Variants in BRINP2 observed in about 807,000 individuals in gnomAD.
BRINP2 encodes BMP/retinoic acid inducible neural specific 2, also known as BMP/retinoic acid-inducible neural-specific protein 2.
Under a neutral mutation model 69.2 loss-of-function variants are expected in BRINP2, and 21 were observed. The observed-to-expected ratio is 0.30, with a 90% CI of 0.22 to 0.44. The LOEUF (loss-of-function observed/expected upper bound fraction) is 0.44, where lower values mean the gene tolerates loss of function less well. Among genes scored for constraint, BRINP2 ranks in the 20% least tolerant of loss-of-function variants. BRINP2 has a pLI of 1.00. For missense variants in BRINP2, 877 were observed against 986.0 expected (o/e 0.89, Z 1.48); for synonymous variants, 380 against 394.1 (o/e 0.96, Z 0.42).
At position 177,281,905 on chromosome 1, in the gene BRINP2, A is replaced by G. The variant is rs1006846444; in HGVS notation, c.*377A>G. 1.2e-5 allele frequency: 2 copies of G among 169,198 alleles called. No homozygotes were observed. Among genetic ancestry groups the G allele is most frequent in the African/African-American group, 4.8e-5 (2 of 42,008 alleles). 10.5% of individuals were successfully genotyped at this position (169,198 alleles called of 1,614,324 possible). On this transcript the variant is annotated 3_prime_UTR_variant, in exon 8 of 8. Coordinates refer to ENST00000361539, the MANE Select transcript of BRINP2 (RefSeq NM_021165.4). ...CTAAAAGTGATTCTTGTCATTCAAGAAAGCAAGAGGGGACAACAATGGGAG... is the reference window on the plus strand; with the variant it reads ...CTAAAAGTGATTCTTGTCATTCAAGGAAGCAAGAGGGGACAACAATGGGAG...
At chr1:177,196,618 CAA>C (rs796466911) in intron 1 of BRINP2, among the ~76,000 whole-genome samples, 5 of 137,248 alleles carry the variant, frequency 3.6e-5, no homozygotes, top group African/African-American at 2.7e-5. Flanking sequence ...AACTCCATCT[CAA>C]AAAAAAAAAA....
At chr1:177,229,629 T>A (rs2102324857) in intron 1 of BRINP2, among the ~76,000 whole-genome samples, 172 bp from the exon 2 acceptor site, 1 of 152,300 alleles carries the variant, frequency 6.6e-6, no homozygotes, top group African/African-American at 2.4e-5. Context: ...CAGGTTGGTT[T>A]TAAGGATTAA....
chr1:177,259,459 A>G (rs1650874526), intron 4 of BRINP2, among the ~76,000 whole-genome samples: 1 of 152,214 alleles, frequency 6.6e-6, no homozygotes, highest in African/African-American at 2.4e-5. Flanking sequence ...AGCGAAGATC[A>G]TTGATGAGGG....
intron 1 of BRINP2, among the ~76,000 whole-genome samples, chr1:177,174,629 A>G (rs1325641713): frequency 1.3e-5 from 2 of 152,214 alleles, no homozygotes. Context: ...TTTGGATAGA[A>G]AGAATGAGGG....
chr1:177,252,129 T>C (rs1650604373), intron 2 of BRINP2, among the ~76,000 whole-genome samples: 1 of 152,142 alleles, frequency 6.6e-6, no homozygotes. Flanking sequence ...TACCCTGCAG[T>C]GGGGTTTGGG....
In BRINP2 at chr1:177,281,374, C is replaced by T. The variant is rs1393068413; in HGVS notation, c.2198C>T (p.Pro733Leu). The T allele has an allele frequency of 1.2e-6, 2 of 1,614,038 alleles. No individual in the cohort carries two copies. The highest frequency in any genetic ancestry group is 1.7e-5 in the Admixed American group (1 of 59,996). The stretch of plus-strand genomic sequence containing the variant: ...GACCGGGTGAACCAGCTTTCTCCAC[C>T]TGGCAAAGTCCGACTTGACCTTTTC... The part of the protein sequence containing the change: ...LRDRVNQLSP[P>L]GKVRLDLFSC... Residue 733 changes from proline to leucine, a missense_variant, in exon 8 of 8, where the codon CCT (proline) becomes CTT (leucine). Coordinates refer to ENST00000361539, the MANE Select transcript of BRINP2 (RefSeq NM_021165.4).
Position 177,280,401 on chromosome 1 carries a change from T to C in BRINP2, c.1236-11T>C. ...TTTGACTCTTACTTCATTTTATCTC[T>C]GCTCCCCAAGGTCCTTGTCCTACTG... On this transcript the variant is annotated splice_polypyrimidine_tract_variant and intron_variant, in intron 7 of 7. Transcript: ENST00000361539. 1.3e-6 allele frequency: 2 copies of C among 1,575,610 alleles called. No individual in the cohort carries two copies. Among genetic ancestry groups the C allele is most frequent in the Non-Finnish European group, 1.7e-6 (2 of 1,160,164 alleles).
chr1:177,240,313 G>C (rs934370969), intron 2 of BRINP2, among the ~76,000 whole-genome samples: 1 of 152,154 alleles, frequency 6.6e-6, no homozygotes, highest in Admixed American at 6.5e-5. Flanking sequence ...AGCATCATAA[G>C]CCAGCCTCTT....
intron 3 of BRINP2, 24 bp downstream of exon 3, chr1:177,256,133 C>G: frequency 6.2e-7 from 1 of 1,608,686 alleles, no homozygotes; most frequent in South Asian, 1.1e-5. Context: ...CAATCCCAAG[C>G]TAATTGGTTG....
At chr1:177,263,873 C>T (rs1558182505) in intron 4 of BRINP2, among the ~76,000 whole-genome samples, 1 of 152,210 alleles carries the variant, frequency 6.6e-6, no homozygotes. Flanking sequence ...TATACACACA[C>T]ATCCTGGTTA....
chr1:177,185,154 G>A (rs1648390802), intron 1 of BRINP2, among the ~76,000 whole-genome samples: 1 of 151,686 alleles, frequency 6.6e-6, no homozygotes, highest in Non-Finnish European at 1.5e-5. Context: ...AAAAAAAAAA[G>A]GTTCTGCGAT....
intron 4 of BRINP2, among the ~76,000 whole-genome samples, chr1:177,264,558 C>T (rs901469720): frequency 2.6e-5 from 4 of 152,084 alleles, no homozygotes; most frequent in Admixed American, 2.0e-4. Flanking sequence ...TTTAGAAAAC[C>T]CCATCGTCTC....
At chr1:177,195,662 G>C (rs186632536) in intron 1 of BRINP2, among the ~76,000 whole-genome samples, 8 of 151,926 alleles carry the variant, frequency 5.3e-5, no homozygotes, top group African/African-American at 1.2e-4. Flanking sequence ...TGGCAAGTGG[G>C]GGGGGAATCA....
At chr1:177,189,987 G>C (rs945461164) in intron 1 of BRINP2, among the ~76,000 whole-genome samples, 2 of 152,176 alleles carry the variant, frequency 1.3e-5, no homozygotes, top group African/African-American at 4.8e-5. Context: ...TGGTGAATCT[G>C]TAAGTTTCAA....
chr1:177,228,415 G>A (rs576835856), intron 1 of BRINP2, among the ~76,000 whole-genome samples: 22 of 152,314 alleles, frequency 1.4e-4, no homozygotes, highest in African/African-American at 4.3e-4. Context: ...ACACTGATCC[G>A]ATGGAAGTCA....
chr1:177,193,282 T>C (rs539267749), intron 1 of BRINP2, among the ~76,000 whole-genome samples: 2 of 152,330 alleles, frequency 1.3e-5, no homozygotes, highest in Non-Finnish European at 2.9e-5. Flanking sequence ...CACTGTCATG[T>C]TTCCAAACAG....
chr1:177,236,212 C>T (rs191435559), intron 2 of BRINP2, among the ~76,000 whole-genome samples: 24 of 152,274 alleles, frequency 1.6e-4, no homozygotes, highest in African/African-American at 4.6e-4. Flanking sequence ...AAATAGCAGA[C>T]GCAGCACAAG....
At chr1:177,180,739 C>A (rs547365072) in intron 1 of BRINP2, among the ~76,000 whole-genome samples, 2 of 152,202 alleles carry the variant, frequency 1.3e-5, no homozygotes, top group South Asian at 4.2e-4. Flanking sequence ...CTCCTTGGAA[C>A]CTAAAAGTAT....
At chr1:177,179,654 C>T (rs1348992025) in intron 1 of BRINP2, among the ~76,000 whole-genome samples, 1 of 152,178 alleles carries the variant, frequency 6.6e-6, no homozygotes, top group Admixed American at 6.5e-5. Context: ...TCACTTCTCT[C>T]CTGTGAACAA....
Sources: gnomAD v4.1 joint callset for allele counts (sites outside exome capture counted in the v4.1 genomes callset) on GRCh38, gnomAD v4.1.1 for gene constraint, MANE v1.5 for transcripts, NCBI Gene and HGNC (gene_info 2026-07-23, HGNC 2026-07-21) for gene names.